Variants in GFOD1 observed in about 807,000 individuals in gnomAD.
GFOD1 encodes the protein Gfo/Idh/MocA-like oxidoreductase domain containing 1.
In GFOD1, 9 loss-of-function variants were observed where a neutral mutation model predicts 25.4. That is an observed-to-expected ratio of 0.35 (90% CI 0.21 to 0.62). The LOEUF is 0.62. GFOD1 is among the 20% of genes least tolerant of loss of function. The pLI, the probability that GFOD1 is intolerant of heterozygous loss-of-function variation, is 0.72. For synonymous variants in GFOD1, 253 were observed against 245.6 expected (o/e 1.03, Z -0.28); for missense variants, 403 against 556.9 (o/e 0.72, Z 2.78).
chr6:13,372,892 G>GAT, intron 1 of GFOD1, among the ~76,000 whole-genome samples: 1 of 152,196 alleles, frequency 6.6e-6, no homozygotes, highest in African/African-American at 2.4e-5. Context: ...TTATCTTCTA[G>GAT]AAGCCAAAAC....
intron 1 of GFOD1, among the ~76,000 whole-genome samples, chr6:13,374,404 A>T (rs1399793833): frequency 6.6e-6 from 1 of 151,276 alleles, no homozygotes; most frequent in Non-Finnish European, 1.5e-5. Flanking sequence ...CCCAGGTTCA[A>T]GCCATTCTCC....
chr6:13,430,012 T>C lies in GFOD1; in HGVS notation c.253+56626A>G, dbSNP rs1025951663. Among the ~76,000 whole-genome samples the C allele has an allele frequency of 2.6e-5, 4 of 152,202 alleles. No homozygotes were observed. The highest frequency in any genetic ancestry group is 9.7e-5 in the African/African-American group (4 of 41,438). On this transcript the variant is annotated intron_variant, in intron 1 of 1. Transcript: ENST00000379287. The surrounding 1 kb of genome is among the most constrained non-coding windows in gnomAD (Gnocchi z 4.1). ...AAATATATGTCCTTCCCCTTGAATT[T>C]GGATGGATCTTTGGGACCAGCTTAA...
intron 1 of GFOD1, among the ~76,000 whole-genome samples, chr6:13,483,706 A>G (rs1758805775): frequency 6.6e-6 from 1 of 152,164 alleles, no homozygotes; most frequent in Non-Finnish European, 1.5e-5. Context: ...GACAACTCCA[A>G]CAGTCTGACC....
At chr6:13,471,294 T>G (rs907439944) in intron 1 of GFOD1, among the ~76,000 whole-genome samples, 1 of 152,152 alleles carries the variant, frequency 6.6e-6, no homozygotes, top group African/African-American at 2.4e-5. Context: ...TAAGACCCTT[T>G]GCTTCTTGGT....
At chr6:13,434,122 CAG>C (rs1757793788) in intron 1 of GFOD1, among the ~76,000 whole-genome samples, 1 of 152,184 alleles carries the variant, frequency 6.6e-6, no homozygotes, top group Non-Finnish European at 1.5e-5. Context: ...TATGGGAACA[CAG>C]AAGTCAGGCG....
intron 1 of GFOD1, among the ~76,000 whole-genome samples, chr6:13,418,784 C>G (rs1473273842): frequency 6.6e-6 from 1 of 152,176 alleles, no homozygotes; most frequent in Non-Finnish European, 1.5e-5. Flanking sequence ...CCTGTTGCCA[C>G]ACACCTGGCC....
At position 13,486,238 on chromosome 6, in the gene GFOD1, AC is replaced by A. The variant is rs1237572993; in HGVS notation, c.253+399del. On this transcript the variant is annotated intron_variant, in intron 1 of 1. Transcript: ENST00000379287. ...GCGCGCGCGCGCACAACCCTCCTCC[AC>A]CCCCCCATCCCCCCCCCCCACACAC... 650 of 278,966 alleles carry A rather than the reference AC, an allele frequency of 2.3e-3. 2 individuals are homozygous for A. The highest frequency in any genetic ancestry group is 3.3e-3 in the Admixed American group (18 of 5,522). The allele number at this position is 278,966 out of a possible 1,614,324, so 17.3% of individuals were successfully genotyped here.
intron 1 of GFOD1, among the ~76,000 whole-genome samples, chr6:13,423,767 A>G (rs1366202458): frequency 2.0e-5 from 3 of 152,228 alleles, no homozygotes; most frequent in African/African-American, 7.2e-5. Context: ...TATTTCAGAG[A>G]TAAGTCCTTC....
chr6:13,470,447 T>C, intron 1 of GFOD1: 1 of 1,550,266 alleles, frequency 6.5e-7, no homozygotes. Context: ...TTAGACAGGC[T>C]GCATCCCTAA....
chr6:13,383,372 T>C (rs895744739), intron 1 of GFOD1, among the ~76,000 whole-genome samples: 1 of 152,254 alleles, frequency 6.6e-6, no homozygotes, highest in African/African-American at 2.4e-5. Context: ...ATTCTGTTAC[T>C]TGACATCTAT....
intron 1 of GFOD1, among the ~76,000 whole-genome samples, chr6:13,475,004 A>G (rs1459516210): frequency 6.6e-6 from 1 of 152,252 alleles, no homozygotes; most frequent in Non-Finnish European, 1.5e-5. Flanking sequence ...GAAGTATATG[A>G]AACCAAAAAC....
Position 13,374,380 on chromosome 6 carries a change from T to C in GFOD1, c.254-8718A>G, listed in dbSNP as rs1054525254. On this transcript the variant is annotated intron_variant, in intron 1 of 1. Transcript: ENST00000379287. Reference sequence around the variant, plus strand: ...GTGCAGTGGTACAATCTCAACTCACTGCAACCTCCGCCTCCCAGGTTCAAG... The same window carrying C: ...GTGCAGTGGTACAATCTCAACTCACCGCAACCTCCGCCTCCCAGGTTCAAG... 2.1e-4 allele frequency among the ~76,000 whole-genome samples: 32 copies of C among 149,350 alleles called. 1 individual carries two copies. Among genetic ancestry groups the C allele is most frequent in the African/African-American group, 6.1e-4 (25 of 40,820 alleles).
chr6:13,437,235 C>G (rs1757847842), intron 1 of GFOD1, among the ~76,000 whole-genome samples: 1 of 152,194 alleles, frequency 6.6e-6, no homozygotes, highest in Non-Finnish European at 1.5e-5. Context: ...CCTGCTCCAT[C>G]ATCGAGTTCC....
intron 1 of GFOD1, among the ~76,000 whole-genome samples, chr6:13,476,160 A>G (rs1758620475): frequency 6.6e-6 from 1 of 152,262 alleles, no homozygotes; most frequent in African/African-American, 2.4e-5. Flanking sequence ...CAGCAGCATT[A>G]TTCACAATCA....
intron 1 of GFOD1, among the ~76,000 whole-genome samples, chr6:13,484,729 T>G (rs1433679982): frequency 1.3e-5 from 2 of 152,156 alleles, no homozygotes; most frequent in Non-Finnish European, 2.9e-5. Context: ...CCCCAGACAC[T>G]TTCATGGCCA....
intron 1 of GFOD1, among the ~76,000 whole-genome samples, chr6:13,425,883 AAAG>A (rs200205504): frequency 0.06 from 9,031 of 151,394 alleles, 340 homozygotes; most frequent in Middle Eastern, 0.12. Flanking sequence ...AAAAAAAAAA[AAAG>A]AAGAAGAAAG....
intron 1 of GFOD1, among the ~76,000 whole-genome samples, chr6:13,378,240 GT>G (rs1436318401): frequency 2.6e-5 from 4 of 152,182 alleles, no homozygotes; most frequent in Admixed American, 2.0e-4. Context: ...CCAAAGCCCC[GT>G]GTTTTCCATT....
At chr6:13,446,761 C>T (rs1758009653) in intron 1 of GFOD1, among the ~76,000 whole-genome samples, 1 of 152,170 alleles carries the variant, frequency 6.6e-6, no homozygotes, top group Non-Finnish European at 1.5e-5. Flanking sequence ...CGATGTGATC[C>T]CACTCATCTG....
rs370303052 is a variant in GFOD1, at chr6:13,450,925, G to C, written c.253+35713C>G. 7.0e-4 allele frequency among the ~76,000 whole-genome samples: 107 copies of C among 152,314 alleles called. 1 individual carries two copies. In the South Asian group the frequency reaches 0.022, roughly 31 times the overall value. ...AAGGACAGCAGCCTAGGGCCTGCACGATGAATAAATCAAGACTCCGGTGAG... is the reference window on the plus strand; with the variant it reads ...AAGGACAGCAGCCTAGGGCCTGCACCATGAATAAATCAAGACTCCGGTGAG... On this transcript the variant is annotated intron_variant, in intron 1 of 1. Coordinates refer to ENST00000379287, the MANE Select transcript of GFOD1 (RefSeq NM_018988.4).
Sources: gnomAD v4.1 joint callset for allele counts (sites outside exome capture counted in the v4.1 genomes callset) on GRCh38, gnomAD v4.1.1 for gene constraint, Gnocchi (gnomAD v3.1) non-coding constraint, MANE v1.5 for transcripts, NCBI Gene and HGNC (gene_info 2026-07-23, HGNC 2026-07-21) for gene names.